PPP3CA: variants seen among roughly 807,000 people sequenced by gnomAD.
The protein encoded by PPP3CA is protein phosphatase 3 catalytic subunit alpha.
A neutral mutation model predicts 66.5 loss-of-function variants in PPP3CA; 14 were observed. The observed-to-expected ratio is 0.21, with a 90% CI of 0.14 to 0.33. The LOEUF is 0.33. Ranked by LOEUF, PPP3CA falls within the 10% of genes least tolerant of loss-of-function variation. The pLI is 1.00. For missense variants in PPP3CA, 317 were observed against 639.5 expected (o/e 0.50, Z 5.44); for synonymous variants, 232 against 226.2 (o/e 1.03, Z -0.23).
chr4:101,076,984 A>G (rs1729224160), intron 8 of PPP3CA, among the ~76,000 whole-genome samples: 1 of 152,222 alleles, frequency 6.6e-6, no homozygotes, highest in Non-Finnish European at 1.5e-5. Flanking sequence ...CTGAGATTCA[A>G]ACCTACATCT....
At chr4:101,299,051 A>G (rs567415453) in intron 1 of PPP3CA, among the ~76,000 whole-genome samples, 5 of 151,636 alleles carry the variant, frequency 3.3e-5, no homozygotes, top group Admixed American at 1.3e-4. Context: ...CCACTGCTGA[A>G]TATCAATAAT....
intron 2 of PPP3CA, among the ~76,000 whole-genome samples, chr4:101,148,949 T>G (rs1723049916): frequency 6.6e-6 from 1 of 152,186 alleles, no homozygotes; most frequent in South Asian, 2.1e-4. Context: ...TCACAGAAAT[T>G]GTTCTTACAT....
intron 2 of PPP3CA, among the ~76,000 whole-genome samples, chr4:101,162,829 A>C (rs934184126): frequency 6.6e-6 from 1 of 152,176 alleles, no homozygotes. Flanking sequence ...CTTCATTTAG[A>C]AAATGGCCAT....
Position 101,109,107 on chromosome 4 carries a change from C to A in PPP3CA, c.260-29G>T. On this transcript the variant is annotated intron_variant, in intron 2 of 13. Coordinates refer to ENST00000394854, the MANE Select transcript of PPP3CA (RefSeq NM_000944.5). The stretch of plus-strand genomic sequence containing the variant: ...AAAGAAACAAAATTCATTTTATGGT[C>A]ATATTATGTTAGGACTTTGAATTAA... 1.9e-6 allele frequency: 3 copies of A among 1,603,312 alleles called. No individual in the cohort carries two copies. The South Asian group carries it at 3.3e-5, about 18-fold the overall frequency.
chr4:101,345,702 G>C (rs950469743), intron 1 of PPP3CA, among the ~76,000 whole-genome samples: 5 of 152,316 alleles, frequency 3.3e-5, no homozygotes, highest in Admixed American at 2.6e-4. Flanking sequence ...GTGCGACAGA[G>C]TGATCAACCA....
intron 2 of PPP3CA, among the ~76,000 whole-genome samples, chr4:101,139,401 T>G (rs1195605804): frequency 1.3e-5 from 2 of 149,438 alleles, no homozygotes; most frequent in African/African-American, 2.5e-5. Flanking sequence ...GGCTGACCAG[T>G]GATAGGGTCA....
chr4:101,135,053 A>G lies in PPP3CA; in HGVS notation c.260-25975T>C, dbSNP rs529783935. 2.0e-3 allele frequency among the ~76,000 whole-genome samples: 306 copies of G among 152,126 alleles called. 2 individuals carry two copies. The highest frequency in any genetic ancestry group is 4.1e-3 in the Admixed American group (62 of 15,278). On this transcript the variant is annotated intron_variant, in intron 2 of 13. Coordinates refer to ENST00000394854, the MANE Select transcript of PPP3CA (RefSeq NM_000944.5). Reference sequence around the variant, plus strand: ...ATGGGCACAAGGAGGGGAACATCACACACCAGGGCCTGTGGAAGGGTGGGG... The same window carrying G: ...ATGGGCACAAGGAGGGGAACATCACGCACCAGGGCCTGTGGAAGGGTGGGG...
intron 1 of PPP3CA, among the ~76,000 whole-genome samples, chr4:101,197,112 T>C (rs78146908): frequency 0.021 from 3,150 of 152,338 alleles, 99 homozygotes; most frequent in African/African-American, 0.071. Context: ...CCCATGTATC[T>C]TTCATGTGCC....
intron 1 of PPP3CA, among the ~76,000 whole-genome samples, chr4:101,336,271 C>T (rs544946274): frequency 1.3e-5 from 2 of 149,590 alleles, no homozygotes; most frequent in Non-Finnish European, 3.0e-5. Flanking sequence ...AGCTAGAAGA[C>T]TTAAGAACAA....
intron 2 of PPP3CA, among the ~76,000 whole-genome samples, chr4:101,126,510 T>C (rs1722250245): frequency 6.6e-6 from 1 of 152,140 alleles, no homozygotes; most frequent in African/African-American, 2.4e-5. Context: ...TCAGAGATTA[T>C]TGCTTCTCAC....
intron 1 of PPP3CA, among the ~76,000 whole-genome samples, chr4:101,329,858 CA>C (rs1361091110): frequency 6.9e-6 from 1 of 144,562 alleles, no homozygotes; most frequent in Admixed American, 6.6e-5. Flanking sequence ...ATTTACTGCT[CA>C]GGGAAAAAAA....
chr4:101,077,221 A>G (rs914621811), intron 8 of PPP3CA, among the ~76,000 whole-genome samples: 2 of 152,206 alleles, frequency 1.3e-5, no homozygotes, highest in African/African-American at 4.8e-5. Flanking sequence ...TCTGATCACA[A>G]CTATTATTGG....
intron 11 of PPP3CA, 149 bp from the exon 12 acceptor site, chr4:101,032,513 A>G (rs1727020186): frequency 1.6e-6 from 1 of 641,668 alleles, no homozygotes; most frequent in Non-Finnish European, 2.7e-6. Flanking sequence ...TTTTTAACAT[A>G]CTTTATTTTA....
chr4:101,310,425 A>C (rs575041226), intron 1 of PPP3CA, among the ~76,000 whole-genome samples: 1 of 152,296 alleles, frequency 6.6e-6, no homozygotes, highest in Non-Finnish European at 1.5e-5. Context: ...AAGGCCTATA[A>C]TCTCATCACT....
chr4:101,223,063 C>T (rs992476691), intron 1 of PPP3CA, among the ~76,000 whole-genome samples: 2 of 151,674 alleles, frequency 1.3e-5, no homozygotes, highest in African/African-American at 4.8e-5. Context: ...GGTCTATTTG[C>T]CCAAGCTGTC....
intron 2 of PPP3CA, among the ~76,000 whole-genome samples, chr4:101,177,656 T>A (rs1724105922): frequency 6.6e-6 from 1 of 152,080 alleles, no homozygotes; most frequent in African/African-American, 2.4e-5. Flanking sequence ...AGAAAGTACA[T>A]CAAACAAAGT....
At chr4:101,101,488 T>C (rs1050001997) in intron 3 of PPP3CA, among the ~76,000 whole-genome samples, 4 of 152,192 alleles carry the variant, frequency 2.6e-5, no homozygotes, top group Non-Finnish European at 5.9e-5. Context: ...GTCGTTAATT[T>C]AGGATGTCTA....
In PPP3CA at chr4:101,307,232, C is replaced by T. The variant is rs551953814; in HGVS notation, c.58+39507G>A. Among the ~76,000 whole-genome samples the T allele has an allele frequency of 8.0e-5, 12 of 150,154 alleles. No individual in the cohort carries two copies. In the East Asian group the frequency reaches 1.4e-3, roughly 17 times the overall value. On this transcript the variant is annotated intron_variant, in intron 1 of 13. Coordinates refer to ENST00000394854, the MANE Select transcript of PPP3CA (RefSeq NM_000944.5). ...TATTTATACAAATGACCCTACCTTA[C>T]GTGGAAAACCTGAATGTCTGAGGGT...
rs78796106 is a variant in PPP3CA at position 101,298,087 on chromosome 4, C to G, written c.58+48652G>C. On this transcript the variant is annotated intron_variant, in intron 1 of 13. Transcript: ENST00000394854. ...CCAATAAGTGACTCCAGAGATTCCT[C>G]TCAGTTCCAAAGACCTAGGACTGTA... Among the ~76,000 whole-genome samples the G allele has an allele frequency of 4.2e-3, 636 of 152,064 alleles. 4 individuals carry two copies. Among genetic ancestry groups the G allele is most frequent in the African/African-American group, 0.015 (605 of 41,472 alleles).
Sources: gnomAD v4.1 joint callset for allele counts (sites outside exome capture counted in the v4.1 genomes callset) on GRCh38, gnomAD v4.1.1 for gene constraint, MANE v1.5 for transcripts, NCBI Gene and HGNC (gene_info 2026-07-23, HGNC 2026-07-21) for gene names.